Variants in ZNF394 observed in about 807,000 individuals in gnomAD.
The protein encoded by ZNF394 is zinc finger protein 99.
ZNF394 carries 19 observed loss-of-function variants against 21.8 expected under a neutral mutation model. The observed-to-expected ratio is 0.87, with a 90% CI of 0.61 to 1.28. ZNF394 has a LOEUF of 1.28. ZNF394 is among the 50% of genes most tolerant of loss of function. The probability of loss-of-function intolerance (pLI) is 0.00; values close to 1 mark genes in which losing one functional copy is unlikely to be tolerated. For missense variants in ZNF394, 683 were observed against 708.6 expected (o/e 0.96, Z 0.41); for synonymous variants, 294 against 273.3 (o/e 1.08, Z -0.75).
At chr7:99,486,986 G>A (rs764415398) in intron 1 of ZNF394, 12 of 1,613,992 alleles carry the variant, frequency 7.4e-6, no homozygotes, top group Non-Finnish European at 9.3e-6. Flanking sequence ...CCATACAGAT[G>A]TCATGACTGT....
At chr7:99,497,412 C>G (rs982528722) in intron 2 of ZNF394, among the ~76,000 whole-genome samples, 2 of 150,628 alleles carry the variant, frequency 1.3e-5, no homozygotes, top group African/African-American at 4.9e-5. Context: ...AATCTCCTGA[C>G]CTCATGATCT....
intron 2 of ZNF394, among the ~76,000 whole-genome samples, chr7:99,497,432 G>A (rs533737202): frequency 1.1e-4 from 17 of 151,438 alleles, no homozygotes; most frequent in African/African-American, 1.7e-4. Context: ...TGCCCGCCTC[G>A]GCCTCCCAAA....
chr7:99,498,857 G>A lies in ZNF394; in HGVS notation c.457-15C>T. On this transcript the variant is annotated splice_polypyrimidine_tract_variant and intron_variant, in intron 1 of 2. Coordinates refer to ENST00000337673, the MANE Select transcript of ZNF394 (RefSeq NM_032164.4). ...GTCACCATCCCCTGGAACAACACAA[G>A]AGCCCCATTCAGTACCTGCTGTCCC... The A allele has an allele frequency of 6.2e-6, 10 of 1,609,074 alleles. No homozygotes were observed. Among genetic ancestry groups the A allele is most frequent in the Non-Finnish European group, 8.5e-6 (10 of 1,177,014 alleles).
rs570649714 is a variant in ZNF394 at position 99,487,718 on chromosome 7, C to T, written n.84-755G>A. ...AAAATAACAAAGCCAGGTGTGGTGG[C>T]TCACACCTCCAGTCCCAGCTACTAA... On this transcript the variant is annotated intron_variant and non_coding_transcript_variant, in intron 1 of 1. Transcript: ENST00000462024. 255 of 467,626 alleles carry T rather than the reference C, an allele frequency of 5.5e-4. 2 individuals are homozygous for T. Among genetic ancestry groups the T allele is most frequent in the South Asian group, 3.2e-3 (98 of 31,106 alleles). 29.0% of individuals were successfully genotyped at this position (467,626 alleles called of 1,614,324 possible). A position where few individuals can be genotyped will look rare whatever the true frequency, so the allele number is the denominator to read the frequency against.
At chr7:99,487,692 A>G in intron 1 of ZNF394, 1 of 556,358 alleles carries the variant, frequency 1.8e-6, no homozygotes, top group Non-Finnish European at 3.0e-6. Context: ...CATCTCTACA[A>G]AAAATAACAA....
chr7:99,498,386 C>G, intron 2 of ZNF394: 1 of 230,880 alleles, frequency 4.3e-6, no homozygotes, highest in South Asian at 4.8e-5. Flanking sequence ...TTCAGGGAGG[C>G]TATGTGGGGG....
downstream of ZNF394, among the ~76,000 whole-genome samples, chr7:99,489,303 AAAG>A (rs992731969): frequency 4.0e-5 from 6 of 151,864 alleles, no homozygotes; most frequent in Non-Finnish European, 7.4e-5. Context: ...AAAAAAAAAA[AAAG>A]AGTTGTAAGT....
chr7:99,492,451 G>C (rs955390905), downstream of ZNF394, among the ~76,000 whole-genome samples: 2 of 151,104 alleles, frequency 1.3e-5, no homozygotes, highest in African/African-American at 4.9e-5. Context: ...ACCAGCCTAG[G>C]CAACACAGTG....
intron 1 of ZNF394, among the ~76,000 whole-genome samples, chr7:99,488,200 T>G (rs1286238630): frequency 2.6e-5 from 4 of 151,860 alleles, no homozygotes; most frequent in African/African-American, 9.7e-5. Flanking sequence ...CTGTGCCGTG[T>G]GGTTGCCAGG....
chr7:99,498,701 A>G lies in ZNF394; in HGVS notation c.583+15T>C. 1.2e-6 allele frequency: 2 copies of G among 1,613,914 alleles called. No homozygotes were observed. The highest frequency in any genetic ancestry group is 1.7e-6 in the Non-Finnish European group (2 of 1,179,892). On this transcript the variant is annotated intron_variant, in intron 2 of 2. Coordinates refer to ENST00000337673, the MANE Select transcript of ZNF394 (RefSeq NM_032164.4). ...ACCACACACCGCAATAAACCAGCAG[A>G]GCAACAGCACTCACTCGGCGGAACT...
chr7:99,491,106 C>G (rs931602882), downstream of ZNF394, among the ~76,000 whole-genome samples: 7 of 152,200 alleles, frequency 4.6e-5, no homozygotes, highest in Admixed American at 2.0e-4. Context: ...GTCTCCTGAC[C>G]GTGATGGTGG....
At chr7:99,499,542 C>G (rs564902429) in intron 1 of ZNF394, 96 bp downstream of exon 1, 3 of 1,174,268 alleles carry the variant, frequency 2.6e-6, no homozygotes, top group African/African-American at 1.5e-5. Flanking sequence ...AATGTTCACA[C>G]GAAATGTAAT....
At chr7:99,490,461 ATACTTT>A (rs1287208855), downstream of ZNF394, among the ~76,000 whole-genome samples, 3 of 151,786 alleles carry the variant, frequency 2.0e-5, no homozygotes, top group Non-Finnish European at 2.9e-5. Context: ...AGCCTCTCTC[ATACTTT>A]TAAAGTACAA....
downstream of ZNF394, among the ~76,000 whole-genome samples, chr7:99,490,146 CTTTTTTTT>C (rs943034221): frequency 0.017 from 1,531 of 89,284 alleles, 31 homozygotes; most frequent in African/African-American, 0.073. Context: ...AAAACCTCAT[CTTTTTTTT>C]TTTTTTTTTT....
chr7:99,492,445 G>T (rs1388241324), downstream of ZNF394, among the ~76,000 whole-genome samples: 32 of 151,492 alleles, frequency 2.1e-4, no homozygotes, highest in Non-Finnish European at 3.2e-4. Context: ...TTCACCACCA[G>T]CCTAGGCAAC....
intron 1 of ZNF394, chr7:99,487,473 A>G: frequency 2.5e-6 from 4 of 1,610,378 alleles, no homozygotes; most frequent in Non-Finnish European, 2.5e-6. Flanking sequence ...CTCACAAAGG[A>G]CAGATATCCA....
chr7:99,496,161 T>TA (rs903831435), intron 2 of ZNF394, among the ~76,000 whole-genome samples: 4 of 151,860 alleles, frequency 2.6e-5, no homozygotes, highest in African/African-American at 9.7e-5. Flanking sequence ...GTAGGTATTT[T>TA]AGTAGGTATT....
chr7:99,497,263 G>A (rs1800364922), intron 2 of ZNF394, among the ~76,000 whole-genome samples: 2 of 150,312 alleles, frequency 1.3e-5, no homozygotes, highest in African/African-American at 2.5e-5. Flanking sequence ...CCGCCTCCCA[G>A]GTTCAGGTTC....
downstream of ZNF394, among the ~76,000 whole-genome samples, chr7:99,492,083 A>G (rs936139402): frequency 1.3e-5 from 2 of 151,488 alleles, no homozygotes; most frequent in Non-Finnish European, 2.9e-5. Flanking sequence ...AAGAAAAAAA[A>G]AAAAAAAAAA....
Sources: allele counts gnomAD v4.1 joint callset (sites outside exome capture counted in the v4.1 genomes callset), GRCh38; gene constraint gnomAD v4.1.1; transcripts MANE v1.5; gene names NCBI Gene and HGNC (gene_info 2026-07-23, HGNC 2026-07-21).